MBD5: variants seen among roughly 807,000 people sequenced by gnomAD.
MBD5 encodes the protein methyl-CpG binding domain protein 5, also known as methyl-CpG-binding domain protein 5.
In MBD5, 13 loss-of-function variants were observed where a neutral mutation model predicts 117.3. The observed-to-expected ratio is 0.11, with a 90% CI of 0.07 to 0.18. The LOEUF (loss-of-function observed/expected upper bound fraction) is 0.18, where lower values mean the gene tolerates loss of function less well. MBD5 is among the 10% of genes least tolerant of loss of function. MBD5 has a pLI of 1.00. For synonymous variants in MBD5, 727 were observed against 766.4 expected, an observed-to-expected ratio of 0.95 and a Z score of 0.85; for missense variants, 1,879 against 2,093.8, an observed-to-expected ratio of 0.90 and a Z score of 2.00.
chr2:148,394,968 C>G (rs1040047290), intron 4 of MBD5, among the ~76,000 whole-genome samples: 21 of 152,168 alleles, frequency 1.4e-4, no homozygotes, highest in African/African-American at 5.1e-4. Context: ...TTTACTTTTC[C>G]TTTCCTATCT....
intron 1 of MBD5, among the ~76,000 whole-genome samples, chr2:148,136,771 T>G (rs1209120452): frequency 1.3e-5 from 2 of 152,154 alleles, no homozygotes; most frequent in African/African-American, 4.8e-5. Context: ...ATTAATTTTT[T>G]TTTTTTTTGA....
chr2:148,098,030 G>A (rs551096568), intron 1 of MBD5, among the ~76,000 whole-genome samples: 11 of 152,338 alleles, frequency 7.2e-5, no homozygotes, highest in African/African-American at 2.6e-4. Flanking sequence ...TCTGATGGCA[G>A]TGGGAAGTCA....
intron 1 of MBD5, among the ~76,000 whole-genome samples, chr2:148,112,171 G>A (rs1241170237): frequency 6.6e-6 from 1 of 152,084 alleles, no homozygotes; most frequent in Non-Finnish European, 1.5e-5. Flanking sequence ...TACTGTTATT[G>A]GAACTTTTCT....
At chr2:148,452,596 A>G (rs550852230) in intron 4 of MBD5, among the ~76,000 whole-genome samples, 1,296 of 5,264 alleles carry the variant, frequency 0.25, 18 homozygotes, top group African/African-American at 0.28. Context: ...CAAAATGAGA[A>G]AAAAAAAAGG....
intron 4 of MBD5, among the ~76,000 whole-genome samples, chr2:148,382,915 A>G (rs961019921): frequency 2.0e-5 from 3 of 151,566 alleles, no homozygotes; most frequent in African/African-American, 4.9e-5. Flanking sequence ...AATGAGAACA[A>G]AGACACAACA....
At chr2:148,424,251 A>G (rs560367418) in intron 4 of MBD5, among the ~76,000 whole-genome samples, 3 of 151,258 alleles carry the variant, frequency 2.0e-5, no homozygotes, top group East Asian at 3.9e-4. Context: ...CTGATAAAAC[A>G]GACTTTAAAC....
At chr2:148,138,137 G>C (rs1697217630) in intron 1 of MBD5, among the ~76,000 whole-genome samples, 1 of 152,184 alleles carries the variant, frequency 6.6e-6, no homozygotes, top group African/African-American at 2.4e-5. Flanking sequence ...AGAGCCACTA[G>C]CAATAGCTAT....
intron 1 of MBD5, among the ~76,000 whole-genome samples, chr2:148,110,447 A>C (rs183678698): frequency 9.2e-5 from 14 of 152,248 alleles, no homozygotes; most frequent in Non-Finnish European, 1.6e-4. Flanking sequence ...TTTCCTTTAG[A>C]GTATTGTTAT....
intron 4 of MBD5, among the ~76,000 whole-genome samples, chr2:148,456,054 T>C (rs916703050): frequency 2.0e-5 from 3 of 152,152 alleles, no homozygotes; most frequent in African/African-American, 7.2e-5. Context: ...ATCCCTCCCG[T>C]CCTCTTTCCT....
chr2:148,379,784 G>T (rs1357763407), intron 4 of MBD5, among the ~76,000 whole-genome samples: 3 of 152,186 alleles, frequency 2.0e-5, no homozygotes, highest in Admixed American at 2.0e-4. Flanking sequence ...TACCTAGTAA[G>T]ATTTCCAAGG....
intron 3 of MBD5, among the ~76,000 whole-genome samples, chr2:148,296,863 AATTTTT>A (rs1024404206): frequency 1.9e-4 from 7 of 37,714 alleles, no homozygotes; most frequent in Non-Finnish European, 3.7e-4. Context: ...TTAGTTCTTC[AATTTTT>A]TTTTTTTTTT....
intron 7 of MBD5, among the ~76,000 whole-genome samples, chr2:148,465,811 A>G (rs1280396192): frequency 2.0e-5 from 3 of 152,102 alleles, no homozygotes; most frequent in Non-Finnish European, 4.4e-5. Flanking sequence ...AGGTATAACT[A>G]TGTTTTCATT....
chr2:148,245,588 C>A (rs972450047), intron 3 of MBD5, among the ~76,000 whole-genome samples: 2 of 151,730 alleles, frequency 1.3e-5, no homozygotes, highest in African/African-American at 2.4e-5. Flanking sequence ...CAGAGTGAGA[C>A]CCTGTTTCAA....
chr2:148,292,576 A>T (rs557855203), intron 3 of MBD5, among the ~76,000 whole-genome samples: 1 of 152,172 alleles, frequency 6.6e-6, no homozygotes, highest in African/African-American at 2.4e-5. Context: ...AACAAATGCT[A>T]GCTAGGATGT....
At chr2:148,135,406 A>C (rs184031019) in intron 1 of MBD5, among the ~76,000 whole-genome samples, 23 of 152,292 alleles carry the variant, frequency 1.5e-4, no homozygotes, top group African/African-American at 4.8e-4. Flanking sequence ...GTTAAAAGCC[A>C]GTTATTGTGG....
intron 3 of MBD5, among the ~76,000 whole-genome samples, chr2:148,335,947 A>G (rs1702776548): frequency 6.6e-6 from 1 of 152,338 alleles, no homozygotes. Flanking sequence ...TCGAATTCAA[A>G]TTCAAGATTC....
chr2:148,098,648 C>A (rs1558924720), intron 1 of MBD5, among the ~76,000 whole-genome samples: 1 of 152,126 alleles, frequency 6.6e-6, no homozygotes, highest in Non-Finnish European at 1.5e-5. Context: ...CCACTAATTG[C>A]AAATCAGTTG....
At chr2:148,088,226 C>G (rs927766734) in intron 1 of MBD5, among the ~76,000 whole-genome samples, 4 of 151,948 alleles carry the variant, frequency 2.6e-5, no homozygotes, top group Admixed American at 2.6e-4. Context: ...AATGGTCAAA[C>G]TTAAGAATAA....
chr2:148,484,238 T>G, intron 9 of MBD5, 103 bp downstream of exon 9: 6 of 1,034,084 alleles, frequency 5.8e-6, no homozygotes, highest in Non-Finnish European at 8.1e-6. Context: ...TTTAAAAATG[T>G]TTTTGTTATG....
Sources: gnomAD v4.1 joint callset for allele counts (sites outside exome capture counted in the v4.1 genomes callset) on GRCh38, gnomAD v4.1.1 for gene constraint, MANE v1.5 for transcripts, NCBI Gene and HGNC (gene_info 2026-07-23, HGNC 2026-07-21) for gene names.